BABAM2: variants seen among roughly 807,000 people sequenced by gnomAD.
BABAM2 encodes the protein BRISC and BRCA1-A complex member 2.
A neutral mutation model predicts 54.7 loss-of-function variants in BABAM2; 31 were observed. The ratio of observed to expected loss-of-function variants is 0.57; its 90% CI spans 0.43 to 0.77. The LOEUF (loss-of-function observed/expected upper bound fraction) is 0.77, where lower values mean the gene tolerates loss of function less well. BABAM2 is among the 30% of genes least tolerant of loss of function. The probability of loss-of-function intolerance (pLI) is 0.00; values close to 1 mark genes in which losing one functional copy is unlikely to be tolerated. For missense variants in BABAM2, 364 were observed against 455.8 expected (o/e 0.80, Z 1.83); for synonymous variants, 167 against 162.9 (o/e 1.03, Z -0.19).
chr2:28,268,138 T>C (rs947162410), intron 10 of BABAM2, among the ~76,000 whole-genome samples: 1 of 152,170 alleles, frequency 6.6e-6, no homozygotes, highest in African/African-American at 2.4e-5. Flanking sequence ...ATTTATTTAT[T>C]AGGGATATAG....
At chr2:28,225,905 C>T (rs1680841284) in intron 7 of BABAM2, among the ~76,000 whole-genome samples, 1 of 152,004 alleles carries the variant, frequency 6.6e-6, no homozygotes, top group South Asian at 2.1e-4. Flanking sequence ...GCCTATATTT[C>T]TTCCTGGATA....
chr2:28,154,431 T>C (rs1014080262), intron 7 of BABAM2, among the ~76,000 whole-genome samples: 2 of 151,682 alleles, frequency 1.3e-5, no homozygotes, highest in Admixed American at 6.6e-5. Flanking sequence ...AACAGGGGAG[T>C]GGTGGTGGTA....
intron 7 of BABAM2, among the ~76,000 whole-genome samples, chr2:28,224,831 G>A (rs1680730178): frequency 8.6e-6 from 1 of 116,908 alleles, no homozygotes; most frequent in Non-Finnish European, 1.7e-5. Flanking sequence ...GGGAGAACAA[G>A]TCCAAAAACG....
intron 7 of BABAM2, chr2:28,232,993 A>G: frequency 3.4e-6 from 1 of 293,382 alleles, no homozygotes; most frequent in Non-Finnish European, 7.0e-6. Flanking sequence ...AAAAGATTTT[A>G]AAACTCTGGC....
In BABAM2 at chr2:28,026,886, A is replaced by T. The variant is rs547503067; in HGVS notation, c.495+1466A>T. On this transcript the variant is annotated intron_variant, in intron 5 of 11. Coordinates refer to ENST00000379624, the MANE Select transcript of BABAM2 (RefSeq NM_199191.3). ...TAGATATATATATTTATATATATAT[A>T]GATATATATAAATATATATAAATAT... Among the ~76,000 whole-genome samples the T allele has an allele frequency of 6.9e-3, 365 of 52,560 alleles. 31 individuals carry two copies. The highest frequency in any genetic ancestry group is 0.032 in the African/African-American group (338 of 10,550). 34.5% of individuals were successfully genotyped at this position (52,560 alleles called of 152,430 possible). A position where few individuals can be genotyped will look rare whatever the true frequency, so the allele number is the denominator to read the frequency against.
At chr2:27,910,756 T>G (rs1666522804) in intron 2 of BABAM2, among the ~76,000 whole-genome samples, 1 of 152,212 alleles carries the variant, frequency 6.6e-6, no homozygotes, top group African/African-American at 2.4e-5. Flanking sequence ...TAGTTGTAGA[T>G]CACCCATTTT....
At chr2:28,267,735 G>T (rs947472696) in intron 10 of BABAM2, among the ~76,000 whole-genome samples, 7 of 152,204 alleles carry the variant, frequency 4.6e-5, no homozygotes, top group Non-Finnish European at 8.8e-5. Flanking sequence ...TAGGGGTCAG[G>T]CCCAGAAGTG....
intron 10 of BABAM2, among the ~76,000 whole-genome samples, chr2:28,267,189 C>T (rs1382322400): frequency 6.6e-6 from 1 of 152,058 alleles, no homozygotes; most frequent in Admixed American, 6.6e-5. Context: ...AGAAAGAATA[C>T]AAAGATCCTA....
intron 11 of BABAM2, among the ~76,000 whole-genome samples, chr2:28,299,214 T>C (rs1379617592): frequency 6.6e-6 from 1 of 152,242 alleles, no homozygotes; most frequent in Non-Finnish European, 1.5e-5. Flanking sequence ...TAGGATTTCA[T>C]AGAGGTCGAA....
At chr2:28,223,096 G>A (rs1018594593) in intron 7 of BABAM2, among the ~76,000 whole-genome samples, 1 of 152,186 alleles carries the variant, frequency 6.6e-6, no homozygotes. Context: ...TCCTAGTTTT[G>A]CACAGATGGA....
chr2:28,013,409 G>T (rs980649200), intron 4 of BABAM2: 2 of 455,486 alleles, frequency 4.4e-6, no homozygotes, highest in African/African-American at 4.0e-5. Flanking sequence ...ATTTTGAAAA[G>T]TTCAGACTTA....
intron 4 of BABAM2, among the ~76,000 whole-genome samples, chr2:27,999,737 C>T (rs532792571): frequency 1.1e-4 from 17 of 152,292 alleles, no homozygotes; most frequent in Admixed American, 5.9e-4. Flanking sequence ...CTGTTAAGCA[C>T]GCTTCCTGAA....
chr2:28,009,359 C>T (rs966893906), intron 4 of BABAM2, among the ~76,000 whole-genome samples: 1 of 152,112 alleles, frequency 6.6e-6, no homozygotes, highest in African/African-American at 2.4e-5. Context: ...AAATATCAGC[C>T]TTCCCTGGTT....
intron 5 of BABAM2, among the ~76,000 whole-genome samples, chr2:28,043,736 C>A (rs1299226419): frequency 2.0e-5 from 3 of 152,104 alleles, no homozygotes; most frequent in Admixed American, 1.3e-4. Flanking sequence ...AAAACCACAC[C>A]TTTTGGTAAT....
At chr2:28,247,228 G>A (rs1338659228) in intron 10 of BABAM2, among the ~76,000 whole-genome samples, 1 of 152,072 alleles carries the variant, frequency 6.6e-6, no homozygotes, top group Non-Finnish European at 1.5e-5. Flanking sequence ...CACACTCTTG[G>A]CTCTTCTGGC....
At chr2:28,112,129 C>CTTTCTTTCT (rs1668101433) in intron 6 of BABAM2, among the ~76,000 whole-genome samples, 1 of 15,594 alleles carries the variant, frequency 6.4e-5, no homozygotes, top group Non-Finnish European at 1.2e-4. Flanking sequence ...TTCTTTCTTT[C>CTTTCTTTCT]TTTCTTTCTT....
At chr2:28,324,261 G>C (rs1381263884) in intron 11 of BABAM2, among the ~76,000 whole-genome samples, 1 of 152,174 alleles carries the variant, frequency 6.6e-6, no homozygotes, top group Non-Finnish European at 1.5e-5. Context: ...AAAAATTTTA[G>C]AAATTATTTA....
intron 7 of BABAM2, among the ~76,000 whole-genome samples, chr2:28,226,805 T>A (rs969387281): frequency 2.6e-5 from 4 of 151,070 alleles, no homozygotes; most frequent in African/African-American, 7.3e-5. Flanking sequence ...TCCAGGGAGG[T>A]TTTAGCCCCA....
intron 7 of BABAM2, among the ~76,000 whole-genome samples, chr2:28,167,385 C>T (rs926310971): frequency 4.6e-5 from 7 of 152,170 alleles, no homozygotes; most frequent in East Asian, 3.9e-4. Context: ...TTATTAATAA[C>T]GGGTTATTTT....
Sources: allele counts gnomAD v4.1 joint callset (sites outside exome capture counted in the v4.1 genomes callset), GRCh38; gene constraint gnomAD v4.1.1; transcripts MANE v1.5; gene names NCBI Gene and HGNC (gene_info 2026-07-23, HGNC 2026-07-21).